CSMD1: variants seen among roughly 807,000 people sequenced by gnomAD.
The protein encoded by CSMD1 is CUB and sushi domain-containing protein 1.
A neutral mutation model predicts 417.5 loss-of-function variants in CSMD1; 213 were observed. That is an observed-to-expected ratio of 0.51 (90% CI 0.46 to 0.57). The LOEUF (loss-of-function observed/expected upper bound fraction) is 0.57, where lower values mean the gene tolerates loss of function less well. CSMD1 is among the 20% of genes least tolerant of loss of function. The pLI is 0.00. For synonymous variants in CSMD1, 2,862 were observed against 1,736.8 expected (o/e 1.65, Z -16.11); for missense variants, 6,923 against 4,529.7 (o/e 1.53, Z -15.17).
intron 1 of CSMD1, among the ~76,000 whole-genome samples, chr8:4,647,475 CGCGTGTGCCATGGTGGTT>C (rs1803607328): frequency 2.6e-5 from 3 of 114,314 alleles, no homozygotes; most frequent in African/African-American, 1.1e-4. Flanking sequence ...TACGTAGGTA[CGCGTGTGCCATGGTGGTT>C]TGTTACGTAG....
intron 7 of CSMD1, among the ~76,000 whole-genome samples, chr8:3,662,369 TC>T (rs1431635887): frequency 6.6e-6 from 1 of 152,190 alleles, no homozygotes; most frequent in Non-Finnish European, 1.5e-5. Context: ...TCCTCTCCTT[TC>T]CATCTCTCCC....
At chr8:3,861,094 T>C (rs1008297417) in intron 5 of CSMD1, among the ~76,000 whole-genome samples, 1 of 152,174 alleles carries the variant, frequency 6.6e-6, no homozygotes. Flanking sequence ...CAACTTCTAG[T>C]GAGCTCGAAA....
chr8:3,450,441 C>T (rs1279445638), intron 12 of CSMD1, among the ~76,000 whole-genome samples: 1 of 151,868 alleles, frequency 6.6e-6, no homozygotes, highest in Non-Finnish European at 1.5e-5. Context: ...AGGTATATCT[C>T]CTAAAGCTAT....
intron 11 of CSMD1, among the ~76,000 whole-genome samples, chr8:3,479,705 C>T (rs1817626699): frequency 6.6e-6 from 1 of 151,944 alleles, no homozygotes; most frequent in Non-Finnish European, 1.5e-5. Context: ...CACAAAAGAG[C>T]TGGGACACAA....
intron 26 of CSMD1, among the ~76,000 whole-genome samples, chr8:3,232,020 A>G (rs946792632): frequency 2.0e-5 from 3 of 152,198 alleles, no homozygotes; most frequent in Non-Finnish European, 4.4e-5. Flanking sequence ...ACATGTGTGT[A>G]TCTATAACAC....
At chr8:4,093,017 C>T in intron 3 of CSMD1, among the ~76,000 whole-genome samples, 1 of 152,200 alleles carries the variant, frequency 6.6e-6, no homozygotes, top group East Asian at 1.9e-4. Context: ...CTGAGGAATG[C>T]TGTGAACATT....
intron 26 of CSMD1, among the ~76,000 whole-genome samples, chr8:3,250,246 T>C (rs561451683): frequency 7.2e-5 from 11 of 152,252 alleles, no homozygotes; most frequent in South Asian, 2.1e-4. Context: ...GTGTGATGTT[T>C]CCCTTCCTGT....
intron 3 of CSMD1, among the ~76,000 whole-genome samples, chr8:4,235,109 T>A (rs1001101661): frequency 2.3e-4 from 35 of 152,288 alleles, no homozygotes; most frequent in African/African-American, 7.0e-4. Flanking sequence ...AGAAAAATTA[T>A]GTTGCTTTAA....
At chr8:4,164,562 C>T (rs957946066) in intron 3 of CSMD1, among the ~76,000 whole-genome samples, 2 of 152,214 alleles carry the variant, frequency 1.3e-5, no homozygotes, top group South Asian at 4.1e-4. Flanking sequence ...CACCAAGCCC[C>T]GCCCAAAATC....
chr8:2,996,012 TC>T (rs1189162695), intron 54 of CSMD1, among the ~76,000 whole-genome samples: 1 of 152,144 alleles, frequency 6.6e-6, no homozygotes, highest in African/African-American at 2.4e-5. Context: ...TCTAATACCC[TC>T]TAAGTTTGCA....
intron 1 of CSMD1, among the ~76,000 whole-genome samples, chr8:4,949,565 G>A (rs1031599889): frequency 6.6e-6 from 1 of 152,106 alleles, no homozygotes; most frequent in African/African-American, 2.4e-5. Flanking sequence ...GTCACATCTG[G>A]TATCCAGTGA....
chr8:4,023,180 G>C (rs532236527), intron 4 of CSMD1, among the ~76,000 whole-genome samples: 8 of 152,288 alleles, frequency 5.3e-5, no homozygotes, highest in Admixed American at 2.6e-4. Context: ...TTTTCACCCA[G>C]TGCAATGTTG....
At chr8:4,366,663 C>T (rs1802090933) in intron 3 of CSMD1, among the ~76,000 whole-genome samples, 1 of 151,994 alleles carries the variant, frequency 6.6e-6, no homozygotes. Flanking sequence ...TTTTGATTTG[C>T]ATGTCTCTAA....
rs181072954 is a variant in CSMD1, at chr8:4,182,957, T to G, written c.416-150858A>C. Among the ~76,000 whole-genome samples the G allele has an allele frequency of 9.9e-5, 15 of 152,176 alleles. No homozygotes were observed. The East Asian group carries it at 2.9e-3, about 29-fold the overall frequency. Reference sequence around the variant, plus strand: ...ATTAGCAAATGAAGATAATGGCCAATAAAGAAAGAGGCAAGGAAAGGAAGG... The same window carrying G: ...ATTAGCAAATGAAGATAATGGCCAAGAAAGAAAGAGGCAAGGAAAGGAAGG... On this transcript the variant is annotated intron_variant, in intron 3 of 69. Coordinates refer to ENST00000635120, the MANE Select transcript of CSMD1 (RefSeq NM_033225.6).
chr8:3,692,103 G>C (rs1279019856), intron 7 of CSMD1, among the ~76,000 whole-genome samples: 3 of 152,132 alleles, frequency 2.0e-5, no homozygotes, highest in East Asian at 3.9e-4. Flanking sequence ...GACTCATCTG[G>C]AGAGGCCTGG....
At chr8:3,320,961 A>G (rs1329065872) in intron 23 of CSMD1, among the ~76,000 whole-genome samples, 1 of 152,204 alleles carries the variant, frequency 6.6e-6, no homozygotes, top group Non-Finnish European at 1.5e-5. Flanking sequence ...TGGAGTACGT[A>G]ACCAACATTT....
At chr8:3,258,231 G>A (rs544267794) in intron 26 of CSMD1, among the ~76,000 whole-genome samples, 2 of 152,220 alleles carry the variant, frequency 1.3e-5, no homozygotes, top group South Asian at 4.1e-4. Context: ...GCATCTATAA[G>A]GAACTTGGAC....
chr8:4,581,010 C>T (rs1799391546), intron 2 of CSMD1, among the ~76,000 whole-genome samples: 2 of 152,152 alleles, frequency 1.3e-5, no homozygotes, highest in African/African-American at 4.8e-5. Context: ...ATGTAACAGA[C>T]ATGTGGTCAT....
Position 4,786,563 on chromosome 8 carries a change from G to C in CSMD1, c.86-149005C>G, listed in dbSNP as rs371463587. Among the ~76,000 whole-genome samples the C allele has an allele frequency of 2.0e-5, 3 of 152,286 alleles. No individual in the cohort carries two copies. In the East Asian group the frequency reaches 5.8e-4, roughly 29 times the overall value. On this transcript the variant is annotated intron_variant, in intron 1 of 69. Coordinates refer to ENST00000635120, the MANE Select transcript of CSMD1 (RefSeq NM_033225.6). ...TAGACAAGATGCTTATATTTAGAGA[G>C]CATTTAAAATACAGCAGTGTGGCAT...
Sources: gnomAD v4.1 joint callset for allele counts (sites outside exome capture counted in the v4.1 genomes callset) on GRCh38, gnomAD v4.1.1 for gene constraint, MANE v1.5 for transcripts, NCBI Gene and HGNC (gene_info 2026-07-23, HGNC 2026-07-21) for gene names.